Variants in USH2A observed in about 807,000 individuals in gnomAD.
USH2A encodes usherin.
Under a neutral mutation model 538.9 loss-of-function variants are expected in USH2A, and 443 were observed. The observed-to-expected ratio is 0.82, with a 90% confidence interval of 0.76 to 0.89. The LOEUF is 0.89. USH2A is among the 40% of genes least tolerant of loss of function. USH2A has a pLI of 0.00. For missense variants in USH2A, 6,633 were observed against 6,324.8 expected (o/e 1.05, Z -1.65); for synonymous variants, 2,413 against 2,273.5 (o/e 1.06, Z -1.75).
chr1:216,060,686 C>T (rs1471155965), intron 30 of USH2A, among the ~76,000 whole-genome samples: 1 of 152,136 alleles, frequency 6.6e-6, no homozygotes, highest in African/African-American at 2.4e-5. Context: ...TTGTATACAC[C>T]AATTATATCT....
intron 4 of USH2A, among the ~76,000 whole-genome samples, chr1:216,361,073 A>G (rs550123996): frequency 1.3e-5 from 2 of 152,158 alleles, no homozygotes; most frequent in African/African-American, 4.8e-5. Context: ...TCACTGGGGC[A>G]GAATAGAAAG....
chr1:216,280,220 A>C (rs989525932), intron 11 of USH2A, among the ~76,000 whole-genome samples: 1 of 151,884 alleles, frequency 6.6e-6, no homozygotes, highest in East Asian at 1.9e-4. Context: ...AGCAAACAAG[A>C]AGGAAGTGCA....
At chr1:215,630,488 A>G (rs60292855) in intron 70 of USH2A, among the ~76,000 whole-genome samples, 661 of 25,724 alleles carry the variant, frequency 0.026, 7 homozygotes, top group East Asian at 0.063. Context: ...GTGTGTATAT[A>G]TATATATATA....
chr1:215,629,088 A>G (rs912008863), intron 70 of USH2A, 53 bp from the exon 71 acceptor site: 3 of 1,527,958 alleles, frequency 2.0e-6, no homozygotes, highest in African/African-American at 1.4e-5. Context: ...TGGGCTTGAA[A>G]TATGACAGAG....
chr1:215,659,764 C>A (rs138270444), intron 64 of USH2A, among the ~76,000 whole-genome samples: 1 of 152,026 alleles, frequency 6.6e-6, no homozygotes, highest in Non-Finnish European at 1.5e-5. Context: ...CAACCCTAAT[C>A]GGTCTGTCTT....
intron 12 of USH2A, 138 bp from the exon 13 acceptor site, chr1:216,247,364 C>A: frequency 2.1e-6 from 2 of 965,460 alleles, no homozygotes. Context: ...CATAGGGGGC[C>A]AATCTTACTC....
At chr1:216,185,999 T>C (rs182258666) in intron 20 of USH2A, among the ~76,000 whole-genome samples, 3 of 152,010 alleles carry the variant, frequency 2.0e-5, no homozygotes, top group Non-Finnish European at 4.4e-5. Context: ...TATTTTTCCA[T>C]ACTTTTGTCA....
chr1:215,902,405 T>C (rs997359190), intron 38 of USH2A, among the ~76,000 whole-genome samples: 4 of 152,162 alleles, frequency 2.6e-5, no homozygotes, highest in Admixed American at 6.6e-5. Flanking sequence ...ATTCATTTGT[T>C]CAATAAACAT....
chr1:216,013,244 CT>C (rs1323257512), intron 32 of USH2A, among the ~76,000 whole-genome samples: 1 of 149,734 alleles, frequency 6.7e-6, no homozygotes, highest in Admixed American at 6.7e-5. Context: ...ACAAATGTTT[CT>C]TCTAACAACC....
intron 21 of USH2A, among the ~76,000 whole-genome samples, chr1:216,116,221 T>A (rs1045154014): frequency 2.6e-5 from 4 of 152,102 alleles, no homozygotes; most frequent in Admixed American, 2.6e-4. Context: ...TATTTCATAT[T>A]TGTAATTGCA....
At chr1:216,218,430 TC>T (rs2035387884) in intron 14 of USH2A, among the ~76,000 whole-genome samples, 2 of 152,118 alleles carry the variant, frequency 1.3e-5, no homozygotes, top group Admixed American at 6.6e-5. Context: ...AGAAGACCAC[TC>T]ACCATTTAAA....
chr1:215,659,363 G>T (rs184646217), intron 64 of USH2A, among the ~76,000 whole-genome samples: 1 of 152,146 alleles, frequency 6.6e-6, no homozygotes, highest in African/African-American at 2.4e-5. Flanking sequence ...TAGTGAGTAA[G>T]GGCCGGAAAG....
intron 11 of USH2A, among the ~76,000 whole-genome samples, chr1:216,276,942 T>A (rs2036681375): frequency 6.6e-6 from 1 of 152,058 alleles, no homozygotes; most frequent in Non-Finnish European, 1.5e-5. Flanking sequence ...ACCATATCAG[T>A]CAGTATCATC....
At chr1:215,926,656 T>A (rs4316345) in intron 38 of USH2A, among the ~76,000 whole-genome samples, 6,333 of 140,292 alleles carry the variant, frequency 0.045, 182 homozygotes, top group Admixed American at 0.083. Context: ...TTGCTCTTGT[T>A]GCCCAGGCTG....
chr1:216,292,998 C>T (rs1255152530), intron 9 of USH2A, among the ~76,000 whole-genome samples: 2 of 150,360 alleles, frequency 1.3e-5, no homozygotes. Flanking sequence ...TCACCTATAA[C>T]TTATCACACT....
At chr1:216,000,583 A>C (rs1047075182) in intron 32 of USH2A, 21 bp from the exon 33 acceptor site, 2 of 1,612,830 alleles carry the variant, frequency 1.2e-6, no homozygotes, top group Non-Finnish European at 1.7e-6. Flanking sequence ...GGGAGAAACA[A>C]GAATTTACTC....
intron 38 of USH2A, among the ~76,000 whole-genome samples, chr1:215,932,754 T>A (rs1039516303): frequency 1.3e-5 from 2 of 151,994 alleles, no homozygotes; most frequent in Non-Finnish European, 2.9e-5. Context: ...GGGCCTGCAG[T>A]GCATTATGGT....
chr1:216,378,706 C>T (rs1045146507), intron 3 of USH2A, among the ~76,000 whole-genome samples: 1 of 152,022 alleles, frequency 6.6e-6, no homozygotes, highest in Admixed American at 6.6e-5. Context: ...CTCACCCACC[C>T]CTCACCAGGC....
chr1:215,652,729 G>A (rs1028064007), intron 64 of USH2A, among the ~76,000 whole-genome samples: 12 of 152,122 alleles, frequency 7.9e-5, no homozygotes, highest in Non-Finnish European at 1.2e-4. Context: ...AAGTGGTGGG[G>A]GGGACACCTA....
Sources: gnomAD v4.1 joint callset for allele counts (sites outside exome capture counted in the v4.1 genomes callset) on GRCh38, gnomAD v4.1.1 for gene constraint, MANE v1.5 for transcripts, NCBI Gene and HGNC (gene_info 2026-07-23, HGNC 2026-07-21) for gene names.